Variants in TAFA5 observed in about 807,000 individuals in gnomAD.
TAFA5 encodes the protein chemokine-like protein TAFA-5.
Under a neutral mutation model 15.3 loss-of-function variants are expected in TAFA5, and 6 were observed. That is an observed-to-expected ratio of 0.39 (90% CI 0.21 to 0.77). TAFA5 has a LOEUF of 0.77. Ranked by LOEUF, TAFA5 falls within the 30% of genes least tolerant of loss-of-function variation. TAFA5 has a pLI of 0.41. For missense variants in TAFA5, 161 were observed against 193.1 expected (o/e 0.83, Z 0.98); for synonymous variants, 103 against 80.7 (o/e 1.28, Z -1.48).
At chr22:48,645,393 C>G (rs1386313747) in intron 1 of TAFA5, among the ~76,000 whole-genome samples, 1 of 152,184 alleles carries the variant, frequency 6.6e-6, no homozygotes, top group Non-Finnish European at 1.5e-5. Flanking sequence ...GGTAGAACTT[C>G]CTGGCTGTTC....
chr22:48,638,717 AG>A (rs1333913088), intron 1 of TAFA5, among the ~76,000 whole-genome samples: 2 of 135,408 alleles, frequency 1.5e-5, no homozygotes, highest in Non-Finnish European at 3.1e-5. Context: ...CACTGCACAC[AG>A]GGGGGACCCC....
chr22:48,569,513 C>T (rs1269397561), intron 1 of TAFA5, among the ~76,000 whole-genome samples: 1 of 152,048 alleles, frequency 6.6e-6, no homozygotes, highest in Non-Finnish European at 1.5e-5. Context: ...ACAATCAAGG[C>T]CCACGGGGTG....
Position 48,680,893 on chromosome 22 carries a change from CGGGTGGCA to C in TAFA5, c.263-26823_263-26816del, listed in dbSNP as rs1408019574. On this transcript the variant is annotated intron_variant, in intron 2 of 3. Transcript: ENST00000402357. The stretch of plus-strand genomic sequence containing the variant: ...GTGTCGGCTCTCATCTTAGGGCGCC[CGGGTGGCA>C]AGAACTGGGGAGCATGGAGAAAAGG... Among the ~76,000 whole-genome samples, 6 of 152,326 alleles carry C rather than the reference CGGGTGGCA, an allele frequency of 3.9e-5. No homozygotes were observed. The East Asian group carries it at 9.7e-4, about 25-fold the overall frequency.
At position 48,566,701 on chromosome 22, in the gene TAFA5, A is replaced by G. The variant is rs985551702; in HGVS notation, c.112+76997A>G. Among the ~76,000 whole-genome samples, 29 of 152,316 alleles carry G rather than the reference A, an allele frequency of 1.9e-4. No individual in the cohort carries two copies. The highest frequency in any genetic ancestry group is 5.8e-4 in the African/African-American group (24 of 41,556). On this transcript the variant is annotated intron_variant, in intron 1 of 3. Coordinates refer to ENST00000402357, the MANE Select transcript of TAFA5 (RefSeq NM_001082967.3). This position sits in a 1 kb window ranked among gnomAD's most constrained non-coding sequence, Gnocchi z 4.5. ...GGGGGTGGGGTGGAATCTTTGCCTA[A>G]GAAGGTTGTGAGAACTAAACGGGGT...
At chr22:48,685,625 A>G (rs952055221) in intron 2 of TAFA5, among the ~76,000 whole-genome samples, 1 of 151,626 alleles carries the variant, frequency 6.6e-6, no homozygotes, top group Non-Finnish European at 1.5e-5. Flanking sequence ...GAGGGGGCGT[A>G]TTGAGGGGTG....
intron 1 of TAFA5, among the ~76,000 whole-genome samples, chr22:48,631,289 G>A (rs1047357798): frequency 2.0e-5 from 3 of 152,206 alleles, no homozygotes; most frequent in African/African-American, 7.2e-5. Flanking sequence ...GCCCACCCAG[G>A]TGAGCGGTCC....
At chr22:48,661,934 T>C (rs558762422) in intron 2 of TAFA5, among the ~76,000 whole-genome samples, 1,165 of 54,230 alleles carry the variant, frequency 0.021, 16 homozygotes, top group Middle Eastern at 0.036. Context: ...GTGCCCACTT[T>C]GGGGAGATGG....
intron 2 of TAFA5, among the ~76,000 whole-genome samples, chr22:48,684,727 A>G (rs1928300809): frequency 1.3e-5 from 2 of 152,166 alleles, no homozygotes; most frequent in Non-Finnish European, 2.9e-5. Flanking sequence ...GTGTCTGGGT[A>G]AAATCCCCCA....
chr22:48,534,351 G>A (rs1922077332), intron 1 of TAFA5, among the ~76,000 whole-genome samples: 2 of 152,138 alleles, frequency 1.3e-5, no homozygotes, highest in Admixed American at 1.3e-4. Context: ...CCAGGCAGTT[G>A]AAGTAGGGCA....
intron 2 of TAFA5, among the ~76,000 whole-genome samples, chr22:48,655,830 C>CTTTTTTTTT (rs1197219539): frequency 0.012 from 774 of 62,360 alleles, 73 homozygotes; most frequent in Middle Eastern, 0.028. Context: ...AACACTGATT[C>CTTTTTTTTT]TTTTTTTTTT....
chr22:48,717,923 G>T (rs1210938866), intron 3 of TAFA5, among the ~76,000 whole-genome samples: 3 of 152,244 alleles, frequency 2.0e-5, no homozygotes, highest in African/African-American at 7.2e-5. Context: ...TAAGGCCCCA[G>T]GCTGGGCAGG....
intron 1 of TAFA5, among the ~76,000 whole-genome samples, chr22:48,616,359 T>G (rs892306262): frequency 1.3e-5 from 2 of 152,248 alleles, no homozygotes; most frequent in Non-Finnish European, 2.9e-5. Flanking sequence ...GCCCAAGTGA[T>G]CGTGTCTTCT....
At chr22:48,668,730 G>A (rs1398809119) in intron 2 of TAFA5, among the ~76,000 whole-genome samples, 3 of 151,904 alleles carry the variant, frequency 2.0e-5, no homozygotes, top group Non-Finnish European at 2.9e-5. Flanking sequence ...TAGTCCCCCA[G>A]CACTCGGGGC....
intron 2 of TAFA5, among the ~76,000 whole-genome samples, chr22:48,682,442 C>T (rs1391016188): frequency 6.6e-6 from 1 of 152,202 alleles, no homozygotes; most frequent in African/African-American, 2.4e-5. Context: ...GATGTTGATA[C>T]ATATCATCGT....
intron 1 of TAFA5, among the ~76,000 whole-genome samples, chr22:48,520,623 G>A (rs1921570658): frequency 6.6e-6 from 1 of 152,204 alleles, no homozygotes. Flanking sequence ...CTAGACGGAT[G>A]TGAGGGATTT....
intron 2 of TAFA5, among the ~76,000 whole-genome samples, chr22:48,663,727 T>C (rs536674763): frequency 1.3e-5 from 2 of 152,344 alleles, no homozygotes; most frequent in African/African-American, 2.4e-5. Context: ...ATCCGGTCCA[T>C]GAACCCTCCC....
chr22:48,642,001 T>A (rs941966288), intron 1 of TAFA5, among the ~76,000 whole-genome samples: 12 of 152,008 alleles, frequency 7.9e-5, no homozygotes, highest in Admixed American at 4.6e-4. Flanking sequence ...AGCAGCACGC[T>A]GAGGGGGGCA....
At chr22:48,639,810 TCCTGCCATCA>T (rs1161159432) in intron 1 of TAFA5, among the ~76,000 whole-genome samples, 5 of 152,170 alleles carry the variant, frequency 3.3e-5, no homozygotes, top group Admixed American at 2.6e-4. Context: ...ACAGCATCCT[TCCTGCCATCA>T]CCTGCCGGGG....
At chr22:48,595,767 G>A (rs762433982) in intron 1 of TAFA5, among the ~76,000 whole-genome samples, 6 of 152,262 alleles carry the variant, frequency 3.9e-5, no homozygotes, top group Non-Finnish European at 7.3e-5. Context: ...TCACATCAGC[G>A]TGCTCTAATC....
Sources: gnomAD v4.1 joint callset for allele counts (sites outside exome capture counted in the v4.1 genomes callset) on GRCh38, gnomAD v4.1.1 for gene constraint, Gnocchi (gnomAD v3.1) non-coding constraint, MANE v1.5 for transcripts, NCBI Gene and HGNC (gene_info 2026-07-23, HGNC 2026-07-21) for gene names.